The following SLC4A7 variants were observed in gnomAD, a reference collection of about 807,000 sequenced individuals.
SLC4A7 encodes the protein solute carrier family 4 member 7, also known as sodium bicarbonate cotransporter 3.
SLC4A7 carries 51 observed loss-of-function variants against 137.6 expected under a neutral mutation model. The ratio of observed to expected loss-of-function variants is 0.37; its 90% CI spans 0.30 to 0.47. The LOEUF (loss-of-function observed/expected upper bound fraction) is 0.47. SLC4A7 is among the 20% of genes least tolerant of loss of function. The probability of loss-of-function intolerance (pLI) is 1.00; values close to 1 mark genes in which losing one functional copy is unlikely to be tolerated. For missense variants in SLC4A7, 1,247 were observed against 1,525.4 expected, an observed-to-expected ratio of 0.82 and a Z score of 3.04; for synonymous variants, 542 against 518.6, an observed-to-expected ratio of 1.05 and a Z score of -0.61.
chr3:27,392,083 C>A (rs2051616918), intron 20 of SLC4A7, among the ~76,000 whole-genome samples: 1 of 152,110 alleles, frequency 6.6e-6, no homozygotes, highest in African/African-American at 2.4e-5. Context: ...ACTTTCTGTA[C>A]CTCAGTTTCT....
chr3:27,383,264 G>A lies in SLC4A7; in HGVS notation c.3493-14C>T, dbSNP rs201862291. The stretch of plus-strand genomic sequence containing the variant: ...CCGTTCAGCTTCCTTTATAACACAT[G>A]TGTGAAGAGGTTACTTTTCCCAGAA... On this transcript the variant is annotated splice_polypyrimidine_tract_variant and intron_variant, in intron 23 of 25. Transcript: ENST00000454389. 3 of 1,506,422 alleles carry A rather than the reference G, an allele frequency of 2.0e-6. No homozygotes were observed. Among genetic ancestry groups the A allele is most frequent in the Non-Finnish European group, 2.8e-6 (3 of 1,085,232 alleles). The allele number at this position is 1,506,422 out of a possible 1,614,324, so 93.3% of individuals were successfully genotyped here. A position where few individuals can be genotyped will look rare whatever the true frequency, so the allele number is the denominator to read the frequency against.
In SLC4A7 at chr3:27,420,751, T is replaced by G; in HGVS notation, c.1461A>C (p.Ala487=). The change falls in exon 10 of 26, where the codon GCA becomes GCC. Residue 487 remains alanine, a synonymous_variant. Coordinates refer to ENST00000454389, the MANE Select transcript of SLC4A7 (RefSeq NM_001321103.2). Reference sequence around the variant, plus strand: ...ATCGTCCAATTTCATGGTACTGTGGTGCCTTGCCCGCTGGACCCAATAACA... The same window carrying G: ...ATCGTCCAATTTCATGGTACTGTGGGGCCTTGCCCGCTGGACCCAATAACA... ...LFLLLGPAGK[A]PQYHEIGRSI... The G allele has an allele frequency of 6.2e-7, 1 of 1,613,728 alleles. No homozygotes were observed. The highest frequency in any genetic ancestry group is 8.5e-7 in the Non-Finnish European group (1 of 1,179,798).
intron 5 of SLC4A7, among the ~76,000 whole-genome samples, chr3:27,435,079 C>A (rs1388065058): frequency 5.3e-5 from 8 of 152,146 alleles, no homozygotes; most frequent in African/African-American, 1.9e-4. Context: ...ATTTGCAGCA[C>A]ACAGTTAAAT....
intron 22 of SLC4A7, among the ~76,000 whole-genome samples, chr3:27,389,575 A>G (rs1437990157): frequency 3.3e-5 from 5 of 152,156 alleles, no homozygotes. Flanking sequence ...TCAATTTCTG[A>G]AAAAGATATA....
intron 14 of SLC4A7, among the ~76,000 whole-genome samples, chr3:27,404,613 T>G (rs2053148556): frequency 6.6e-6 from 1 of 152,232 alleles, no homozygotes; most frequent in African/African-American, 2.4e-5. Flanking sequence ...TCAAATCCAC[T>G]GATTTTATAC....
chr3:27,419,510 A>G (rs527920775), intron 10 of SLC4A7, among the ~76,000 whole-genome samples: 129 of 149,928 alleles, frequency 8.6e-4, no homozygotes, highest in African/African-American at 3.1e-3. Context: ...TAATTTTTGT[A>G]TTTTTAGTAG....
intron 25 of SLC4A7, among the ~76,000 whole-genome samples, chr3:27,378,529 T>C (rs950833704): frequency 6.6e-6 from 1 of 152,172 alleles, no homozygotes; most frequent in Non-Finnish European, 1.5e-5. Flanking sequence ...AGGGCTTAGT[T>C]CTTGAAGTGA....
chr3:27,394,367 AC>A (rs2051919630), intron 20 of SLC4A7, 150 bp downstream of exon 20: 3 of 705,470 alleles, frequency 4.3e-6, no homozygotes, highest in Non-Finnish European at 4.7e-6. Context: ...TGCTTGCTAT[AC>A]TAAAAACCTA....
intron 22 of SLC4A7, among the ~76,000 whole-genome samples, chr3:27,387,690 C>T (rs1325379770): frequency 6.6e-6 from 1 of 152,154 alleles, no homozygotes; most frequent in Admixed American, 6.6e-5. Context: ...GTCCTAACCT[C>T]CAGTACCTCA....
Position 27,437,458 on chromosome 3 carries a change from C to G in SLC4A7, c.358G>C (p.Asp120His), listed in dbSNP as rs1275384945. Reference protein sequence around the residue: ...EDDDEEHIPHDLFTEMDELCY... With the variant: ...EDDDEEHIPHHLFTEMDELCY... ...AGTTCATCCATTTCCGTGAAGAGATCATGGGGAATATGTTCTTCATCATCA... is the reference window on the plus strand; with the variant it reads ...AGTTCATCCATTTCCGTGAAGAGATGATGGGGAATATGTTCTTCATCATCA... Residue 120 changes from aspartate (D) to histidine (H), a missense_variant, in exon 4 of 26, where the codon GAT becomes CAT. Asp to His is a moderately conservative substitution (Grantham distance 81). Around this residue, in one of 6 missense-constraint regions of SLC4A7, gnomAD observed 176 missense variants for 186.4 expected, o/e 0.94. Transcript: ENST00000454389. 1.3e-6 allele frequency: 2 copies of G among 1,598,212 alleles called. No homozygotes were observed. The highest frequency in any genetic ancestry group is 1.7e-6 in the Non-Finnish European group (2 of 1,169,576).
At chr3:27,483,951 G>T in intron 1 of SLC4A7, 116 bp downstream of exon 1, 1 of 752,742 alleles carries the variant, frequency 1.3e-6, no homozygotes, top group Non-Finnish European at 1.8e-6. Flanking sequence ...AGGTGGAGGG[G>T]CGACGGGCCT....
At chr3:27,447,999 G>A (rs1278213958) in intron 3 of SLC4A7, among the ~76,000 whole-genome samples, 2 of 151,752 alleles carry the variant, frequency 1.3e-5, no homozygotes, top group Non-Finnish European at 1.5e-5. Flanking sequence ...ATCACTTGAG[G>A]TCAGGAGTTC....
At chr3:27,437,362 A>AAG (rs754205257) in intron 4 of SLC4A7, 26 bp downstream of exon 4, 9 of 1,476,190 alleles carry the variant, frequency 6.1e-6, no homozygotes, top group African/African-American at 1.5e-5. Context: ...AAAAAAAAAA[A>AAG]AGAGAGAGAG....
Position 27,418,437 on chromosome 3 carries a change from A to AT in SLC4A7, c.1659+48dup, listed in dbSNP as rs755226159. On this transcript the variant is annotated intron_variant, in intron 11 of 25. Transcript: ENST00000454389. Reference sequence around the variant, plus strand: ...TTTGAATCACACCTAATCAAAAAAAATTTTATTAAAATAAAGTAAGTCACA... The same window carrying AT: ...TTTGAATCACACCTAATCAAAAAAAATTTTTATTAAAATAAAGTAAGTCACA... 3.3e-6 allele frequency: 5 copies of AT among 1,512,402 alleles called. No homozygotes were observed. In the Admixed American group the frequency reaches 1.1e-4, roughly 33 times the overall value. The allele number at this position is 1,512,402 out of a possible 1,614,324, so 93.7% of individuals were successfully genotyped here. A position where few individuals can be genotyped will look rare whatever the true frequency, so the allele number is the denominator to read the frequency against.
intron 25 of SLC4A7, among the ~76,000 whole-genome samples, chr3:27,378,176 G>T (rs2050079292): frequency 6.6e-6 from 1 of 152,124 alleles, no homozygotes; most frequent in South Asian, 2.1e-4. Flanking sequence ...TGAGAAATTA[G>T]AACTCAGATG....
intron 24 of SLC4A7, 59 bp downstream of exon 24, chr3:27,383,094 G>T: frequency 2.1e-6 from 2 of 947,040 alleles, no homozygotes; most frequent in South Asian, 1.4e-5. Context: ...AGCATTATAT[G>T]ACTTATTAAT....
intron 15 of SLC4A7, 58 bp downstream of exon 15, chr3:27,403,081 G>A (rs1341282922): frequency 1.3e-6 from 2 of 1,525,076 alleles, no homozygotes; most frequent in Non-Finnish European, 1.8e-6. Flanking sequence ...CATTTTCTGA[G>A]GCTCTGACAT....
intron 1 of SLC4A7, among the ~76,000 whole-genome samples, chr3:27,465,966 AGAAAG>A (rs796510089): frequency 9.2e-5 from 13 of 140,798 alleles, no homozygotes; most frequent in South Asian, 2.2e-4. Flanking sequence ...AAAAAAAAAA[AGAAAG>A]AAAGAAAGAA....
In SLC4A7 at chr3:27,391,692, TA is replaced by T. The variant is rs781417305; in HGVS notation, c.3186+47del. 4.5e-6 allele frequency: 5 copies of T among 1,101,572 alleles called. No individual in the cohort carries two copies. In the African/African-American group the frequency reaches 6.4e-5, roughly 14 times the overall value. The allele number at this position is 1,101,572 out of a possible 1,614,324, so 68.2% of individuals were successfully genotyped here. Reference sequence around the variant, plus strand: ...ATCATTAAAACAATCTTTGCATACTTAAAATTATCAAGTTTCTATAGAAAAT... The same window carrying T: ...ATCATTAAAACAATCTTTGCATACTTAAATTATCAAGTTTCTATAGAAAAT... On this transcript the variant is annotated intron_variant, in intron 21 of 25. Transcript: ENST00000454389.
Sources: gnomAD v4.1 joint callset for allele counts (sites outside exome capture counted in the v4.1 genomes callset) on GRCh38, gnomAD v4.1.1 for gene constraint, gnomAD v4.1.1 regional missense constraint, MANE v1.5 for transcripts, NCBI Gene and HGNC (gene_info 2026-07-23, HGNC 2026-07-21) for gene names.